Variants in NDUFA9 observed in about 807,000 individuals in gnomAD.
NDUFA9 encodes the protein NADH dehydrogenase [ubiquinone] 1 alpha subcomplex subunit 9, mitochondrial.
Under a neutral mutation model 45.9 loss-of-function variants are expected in NDUFA9, and 23 were observed. The observed-to-expected ratio is 0.50, with a 90% CI of 0.36 to 0.71. The LOEUF (loss-of-function observed/expected upper bound fraction) is 0.71. Among genes scored for constraint, NDUFA9 ranks in the 30% least tolerant of loss-of-function variants. The pLI, the probability that NDUFA9 is intolerant of heterozygous loss-of-function variation, is 0.00. For synonymous variants in NDUFA9, 176 were observed against 170.5 expected (o/e 1.03, Z -0.25); for missense variants, 466 against 488.2 (o/e 0.95, Z 0.43).
intron 2 of NDUFA9, 78 bp from the exon 3 acceptor site, chr12:4,654,747 A>G: frequency 1.7e-6 from 2 of 1,185,552 alleles, no homozygotes; most frequent in Non-Finnish European, 2.4e-6. Context: ...TAGAATTTAA[A>G]TATTTACCAA....
chr12:4,666,389 A>T lies in NDUFA9; in HGVS notation c.656-2068A>T, dbSNP rs11063288. Among the ~76,000 whole-genome samples, 725 of 152,258 alleles carry T rather than the reference A, an allele frequency of 4.8e-3. 3 individuals carry two copies. The highest frequency in any genetic ancestry group is 0.01 in the Middle Eastern group (3 of 294). On this transcript the variant is annotated intron_variant, in intron 6 of 10. Coordinates refer to ENST00000266544, the MANE Select transcript of NDUFA9 (RefSeq NM_005002.5). ...TTGATGCACAGAAGTTTTAATTTTG[A>T]TGTAGTCAGGCTTATCTATTTTTAC...
chr12:4,656,634 C>A (rs1945792436), intron 3 of NDUFA9, among the ~76,000 whole-genome samples: 2 of 152,354 alleles, frequency 1.3e-5, no homozygotes, highest in Non-Finnish European at 2.9e-5. Context: ...ACTTGGTTTG[C>A]CCACCTGACT....
chr12:4,681,626 T>C (rs941225979), intron 8 of NDUFA9, among the ~76,000 whole-genome samples: 1 of 149,690 alleles, frequency 6.7e-6, no homozygotes, highest in African/African-American at 2.4e-5. Flanking sequence ...GTTATATACT[T>C]AACATTTTAT....
intron 9 of NDUFA9, 42 bp from the exon 10 acceptor site, chr12:4,685,217 A>T: frequency 6.5e-7 from 1 of 1,528,784 alleles, no homozygotes; most frequent in South Asian, 1.1e-5. Context: ...TCTTGGGCAG[A>T]GAGATGCTTA....
At chr12:4,673,728 A>C (rs1279517003) in intron 8 of NDUFA9, among the ~76,000 whole-genome samples, 1 of 152,184 alleles carries the variant, frequency 6.6e-6, no homozygotes, top group African/African-American at 2.4e-5. Flanking sequence ...TGATGGGGAG[A>C]ATGGAACCAG....
At chr12:4,685,166 C>A in intron 9 of NDUFA9, 93 bp from the exon 10 acceptor site, 1 of 1,081,320 alleles carries the variant, frequency 9.2e-7, no homozygotes, top group Non-Finnish European at 1.4e-6. Flanking sequence ...GACTGCTCTA[C>A]AGCGGTCTGT....
intron 6 of NDUFA9, 147 bp from the exon 7 acceptor site, chr12:4,668,310 C>G (rs1409419842): frequency 1.6e-6 from 1 of 639,914 alleles, no homozygotes; most frequent in South Asian, 2.2e-5. Context: ...TAATGACTGC[C>G]TTTTGTAAGT....
chr12:4,685,426 T>C (rs1945979864), intron 10 of NDUFA9, 101 bp downstream of exon 10: 2 of 1,111,578 alleles, frequency 1.8e-6, no homozygotes, highest in South Asian at 2.9e-5. Flanking sequence ...GTCTGTTTGC[T>C]GTTCTTGCTG....
At chr12:4,674,983 A>G (rs1411926076) in intron 8 of NDUFA9, among the ~76,000 whole-genome samples, 2 of 152,254 alleles carry the variant, frequency 1.3e-5, no homozygotes, top group Non-Finnish European at 2.9e-5. Context: ...ACCACAGGAC[A>G]ATCAAATTAG....
At chr12:4,686,500 C>T (rs915337990) in intron 10 of NDUFA9, among the ~76,000 whole-genome samples, 32 of 151,124 alleles carry the variant, frequency 2.1e-4, no homozygotes, top group African/African-American at 6.8e-4. Context: ...TGAGTCAGAA[C>T]GCCCGTGCTC....
At chr12:4,682,116 C>A (rs2137485771) in intron 8 of NDUFA9, 89 bp from the exon 9 acceptor site, 2 of 979,864 alleles carry the variant, frequency 2.0e-6, no homozygotes, top group Non-Finnish European at 3.1e-6. Flanking sequence ...ATATATGTTT[C>A]CTTTTTTATA....
intron 1 of NDUFA9, chr12:4,653,587 C>G (rs753874301): frequency 4.2e-5 from 19 of 447,746 alleles, no homozygotes; most frequent in South Asian, 1.9e-4. Flanking sequence ...TGACAAGTCT[C>G]TTGCTGTTAA....
intron 3 of NDUFA9, chr12:4,657,539 G>C: frequency 1.9e-6 from 1 of 536,110 alleles, no homozygotes; most frequent in Non-Finnish European, 3.3e-6. Context: ...AAAGTGTACT[G>C]TTACCTGTTT....
In NDUFA9 at chr12:4,687,010, G is replaced by A; in HGVS notation, c.1036G>A (p.Glu346Lys). Residue 346 changes from glutamate (E) to lysine (K), a missense_variant, in exon 11 of 11, where the codon GAA becomes AAA. Glu to Lys is a moderately conservative substitution (Grantham distance 56). Coordinates refer to ENST00000266544, the MANE Select transcript of NDUFA9 (RefSeq NM_005002.5). ...EDLGIQATPL[E>K]LKAIEVLRRH... Reference sequence around the variant, plus strand: ...CCTTGGTATTCAGGCAACACCACTGGAACTCAAGGCCATTGAGGTGCTGCG... The same window carrying A: ...CCTTGGTATTCAGGCAACACCACTGAAACTCAAGGCCATTGAGGTGCTGCG... The A allele has an allele frequency of 4.3e-6, 7 of 1,614,182 alleles. No homozygotes were observed. The highest frequency in any genetic ancestry group is 5.9e-6 in the Non-Finnish European group (7 of 1,180,042).
In NDUFA9 at chr12:4,662,398, A is replaced by G. The variant is rs1945828136; in HGVS notation, c.553-135A>G. ...TAAAAGTTCTGTGTAACTGAGTTTTATGAATTACATGATTACCTTTATCTG... is the reference window on the plus strand; with the variant it reads ...TAAAAGTTCTGTGTAACTGAGTTTTGTGAATTACATGATTACCTTTATCTG... On this transcript the variant is annotated intron_variant, in intron 5 of 10. Transcript: ENST00000266544. 6 of 664,604 alleles carry G rather than the reference A, an allele frequency of 9.0e-6. No individual in the cohort carries two copies. The East Asian group carries it at 1.4e-4, about 15-fold the overall frequency. 41.2% of individuals were successfully genotyped at this position (664,604 alleles called of 1,614,324 possible). A position where few individuals can be genotyped will look rare whatever the true frequency, so the allele number is the denominator to read the frequency against.
chr12:4,668,266 C>T (rs1945864965), intron 6 of NDUFA9, among the ~76,000 whole-genome samples, 191 bp from the exon 7 acceptor site: 1 of 152,162 alleles, frequency 6.6e-6, no homozygotes. Flanking sequence ...AAACATTTGG[C>T]CTTTTTATTT....
intron 3 of NDUFA9, chr12:4,655,513 A>G (rs1360859516): frequency 6.6e-6 from 1 of 152,260 alleles, no homozygotes; most frequent in East Asian, 1.9e-4. Flanking sequence ...ACATATTAAA[A>G]TAATATTTTG....
chr12:4,673,039 G>A (rs925084471), intron 8 of NDUFA9, among the ~76,000 whole-genome samples: 1 of 152,222 alleles, frequency 6.6e-6, no homozygotes, highest in African/African-American at 2.4e-5. Flanking sequence ...GAAGGAACAG[G>A]CAACAATCTT....
Position 4,692,241 on chromosome 12 carries a change from A to G in NDUFA9, c.*5133A>G, listed in dbSNP as rs1316716360. 3 of 152,174 alleles carry G rather than the reference A, an allele frequency of 2.0e-5. No individual in the cohort carries two copies. The highest frequency in any genetic ancestry group is 7.2e-5 in the African/African-American group (3 of 41,442). The allele number at this position is 152,174 out of a possible 1,614,324, so 9.4% of individuals were successfully genotyped here. ...CTAGTGGGAGGCGATTAGATCATGG[A>G]GTAGATTTATCATGAATGATTTAGT... On this transcript the variant is annotated 3_prime_UTR_variant, in exon 11 of 11. Transcript: ENST00000266544.
Sources: allele counts gnomAD v4.1 joint callset (sites outside exome capture counted in the v4.1 genomes callset), GRCh38; gene constraint gnomAD v4.1.1; transcripts MANE v1.5; gene names NCBI Gene and HGNC (gene_info 2026-07-23, HGNC 2026-07-21).